Variants in ANKRD31 observed in about 807,000 individuals in gnomAD.
ANKRD31 encodes the protein ankyrin repeat domain-containing protein 31.
A neutral mutation model predicts 186.0 loss-of-function variants in ANKRD31; 147 were observed. The ratio of observed to expected loss-of-function variants is 0.79; its 90% confidence interval spans 0.69 to 0.91. The LOEUF (loss-of-function observed/expected upper bound fraction) is 0.91. Among genes scored for constraint, ANKRD31 ranks in the 40% least tolerant of loss-of-function variants. The pLI is 0.00. For missense variants in ANKRD31, 1,986 were observed against 2,148.8 expected, an observed-to-expected ratio of 0.92 and a Z score of 1.50; for synonymous variants, 673 against 736.4, an observed-to-expected ratio of 0.91 and a Z score of 1.39.
At chr5:75,179,594 A>C (rs1754113769) in intron 10 of ANKRD31, among the ~76,000 whole-genome samples, 1 of 152,220 alleles carries the variant, frequency 6.6e-6, no homozygotes, top group Admixed American at 6.5e-5. Context: ...GAAAATCAAT[A>C]AACGTAATCC....
At chr5:75,142,949 C>T (rs539107014) in intron 15 of ANKRD31, among the ~76,000 whole-genome samples, 2 of 152,244 alleles carry the variant, frequency 1.3e-5, no homozygotes, top group South Asian at 2.1e-4. Flanking sequence ...TAACAAATTA[C>T]CACAAACTGG....
chr5:75,101,753 T>C (rs1746904953), intron 22 of ANKRD31, among the ~76,000 whole-genome samples: 1 of 152,226 alleles, frequency 6.6e-6, no homozygotes, highest in African/African-American at 2.4e-5. Flanking sequence ...CACGTAGTTC[T>C]CGTGCCATGG....
chr5:75,160,625 A>G (rs1176533853), intron 11 of ANKRD31, among the ~76,000 whole-genome samples: 1 of 152,174 alleles, frequency 6.6e-6, no homozygotes, highest in African/African-American at 2.4e-5. Context: ...AAGTCAAAGG[A>G]TGGAAAAAGA....
chr5:75,178,035 G>A (rs772302893), intron 10 of ANKRD31, among the ~76,000 whole-genome samples: 60 of 152,074 alleles, frequency 3.9e-4, no homozygotes, highest in Non-Finnish European at 7.4e-4. Context: ...AGGGATGGAG[G>A]AAGATCTACC....
intron 6 of ANKRD31, among the ~76,000 whole-genome samples, chr5:75,199,247 G>A (rs1458783260): frequency 6.6e-6 from 1 of 152,136 alleles, no homozygotes; most frequent in Non-Finnish European, 1.5e-5. Context: ...CCTGAGGAAA[G>A]CGTGAGTTCA....
intron 3 of ANKRD31, among the ~76,000 whole-genome samples, chr5:75,219,341 A>T (rs1757149151): frequency 1.3e-5 from 2 of 152,186 alleles, no homozygotes; most frequent in Non-Finnish European, 2.9e-5. Context: ...CCTATACACC[A>T]AAAGCAGCCA....
chr5:75,236,177 CTT>C (rs1000167748), intron 1 of ANKRD31, among the ~76,000 whole-genome samples: 11 of 152,194 alleles, frequency 7.2e-5, no homozygotes, highest in African/African-American at 2.7e-4. Flanking sequence ...ATCACACATT[CTT>C]TTCTTGAGAG....
At chr5:75,096,323 A>C (rs906136097) in intron 22 of ANKRD31, among the ~76,000 whole-genome samples, 1 of 152,142 alleles carries the variant, frequency 6.6e-6, no homozygotes, top group African/African-American at 2.4e-5. Context: ...TCTTTTGAGA[A>C]GTGTCCATGT....
At chr5:75,203,678 G>A (rs76170214) in intron 5 of ANKRD31, among the ~76,000 whole-genome samples, 46 of 127,966 alleles carry the variant, frequency 3.6e-4, no homozygotes, top group Middle Eastern at 8.3e-3. Context: ...AAAAAAAAAA[G>A]AAAAGAAAAG....
At chr5:75,094,820 A>T (rs1282179895) in intron 22 of ANKRD31, among the ~76,000 whole-genome samples, 1 of 152,146 alleles carries the variant, frequency 6.6e-6, no homozygotes, top group Non-Finnish European at 1.5e-5. Flanking sequence ...AGACAAGTAA[A>T]TTTAAAGTAA....
intron 15 of ANKRD31, among the ~76,000 whole-genome samples, 191 bp from the exon 16 acceptor site, chr5:75,139,174 T>C (rs1750825783): frequency 6.6e-6 from 1 of 152,190 alleles, no homozygotes; most frequent in South Asian, 2.1e-4. Flanking sequence ...GCACATTACT[T>C]TGTATTCATT....
Position 75,196,193 on chromosome 5 carries a change from C to G in ANKRD31, c.455G>C (p.Ser152Thr). Residue 152 changes from serine to threonine, a missense_variant, in exon 7 of 26, where the codon AGT becomes ACT. By Grantham distance (58) the Ser-to-Thr change is moderately conservative (BLOSUM62 1). Transcript: ENST00000506364. ...AACTTCAGGAGAATCTCTGCCTTCA[C>G]TTAGTTCCTGTGTATTACAAATAGA... ...EVLPHIEKELSEGRDSPEVSL... is the reference protein window; with the variant it reads ...EVLPHIEKELTEGRDSPEVSL... 1.4e-6 allele frequency: 2 copies of G among 1,471,132 alleles called. No homozygotes were observed. The highest frequency in any genetic ancestry group is 1.8e-6 in the Non-Finnish European group (2 of 1,119,722). 91.1% of individuals were successfully genotyped at this position (1,471,132 alleles called of 1,614,324 possible). A position where few individuals can be genotyped will look rare whatever the true frequency, so the allele number is the denominator to read the frequency against.
intron 24 of ANKRD31, among the ~76,000 whole-genome samples, chr5:75,083,130 C>A (rs1246278624): frequency 6.6e-6 from 1 of 152,136 alleles, no homozygotes; most frequent in African/African-American, 2.4e-5. Flanking sequence ...GTTTCATATA[C>A]ACCTAAACAC....
At chr5:75,077,125 A>G (rs1310387274) in intron 25 of ANKRD31, among the ~76,000 whole-genome samples, 1 of 152,160 alleles carries the variant, frequency 6.6e-6, no homozygotes, top group East Asian at 1.9e-4. Context: ...CTGAAATGCA[A>G]TGGCGTGACC....
chr5:75,128,029 C>A lies in ANKRD31; in HGVS notation c.3877-9732G>T, dbSNP rs536451637. Reference sequence around the variant, plus strand: ...TTTATCATGTCATATGAAATAGAAGCAGTTTTTCATTGTCATATTATATGA... The same window carrying A: ...TTTATCATGTCATATGAAATAGAAGAAGTTTTTCATTGTCATATTATATGA... On this transcript the variant is annotated intron_variant, in intron 17 of 25. Coordinates refer to ENST00000506364, the MANE Select transcript of ANKRD31 (RefSeq NM_001372053.1). Among the ~76,000 whole-genome samples, 5 of 152,256 alleles carry A rather than the reference C, an allele frequency of 3.3e-5. No homozygotes were observed. In the East Asian group the frequency reaches 5.8e-4, roughly 18 times the overall value.
intron 2 of ANKRD31, among the ~76,000 whole-genome samples, chr5:75,223,149 G>A (rs1386531907): frequency 6.6e-6 from 1 of 152,186 alleles, no homozygotes; most frequent in Non-Finnish European, 1.5e-5. Flanking sequence ...ACAGGCATGA[G>A]ATGGTATCTC....
In ANKRD31 at chr5:75,137,894, G is replaced by C. The variant is rs1750719504; in HGVS notation, c.3838C>G (p.Leu1280Val). Residue 1280 changes from leucine to valine, a missense_variant, in exon 17 of 26, where the codon CTG becomes GTG. Transcript: ENST00000506364. ...KVNCENIDGI[L>V]PLHDAVANNH... ...TTTGCAACAGCATCATGTAAGGGCAGAATTCCATCTATATTTTCACAATTA... is the reference window on the plus strand; with the variant it reads ...TTTGCAACAGCATCATGTAAGGGCACAATTCCATCTATATTTTCACAATTA... 1 of 1,532,796 alleles carries C rather than the reference G, an allele frequency of 6.5e-7. No individual in the cohort carries two copies. The highest frequency in any genetic ancestry group is 2.0e-5 in the Admixed American group (1 of 50,536). 94.9% of individuals were successfully genotyped at this position (1,532,796 alleles called of 1,614,324 possible).
intron 11 of ANKRD31, among the ~76,000 whole-genome samples, chr5:75,155,177 C>A (rs2150160050): frequency 6.6e-6 from 1 of 152,182 alleles, no homozygotes; most frequent in South Asian, 2.1e-4. Context: ...AAGTTTCCCT[C>A]CTCTACCCCT....
chr5:75,170,164 C>T (rs1270162542), intron 10 of ANKRD31, among the ~76,000 whole-genome samples: 1 of 151,992 alleles, frequency 6.6e-6, no homozygotes, highest in African/African-American at 2.4e-5. Flanking sequence ...TATATGATAG[C>T]TATAGCACAA....
Sources: gnomAD v4.1 joint callset for allele counts (sites outside exome capture counted in the v4.1 genomes callset) on GRCh38, gnomAD v4.1.1 for gene constraint, MANE v1.5 for transcripts, NCBI Gene and HGNC (gene_info 2026-07-23, HGNC 2026-07-21) for gene names.